SLC17A5: variants seen among roughly 807,000 people sequenced by gnomAD.
SLC17A5 encodes the protein solute carrier family 17 member 5, also known as sialin.
Under a neutral mutation model 59.4 loss-of-function variants are expected in SLC17A5, and 47 were observed. The ratio of observed to expected loss-of-function variants is 0.79; its 90% CI spans 0.63 to 1.01. The LOEUF is 1.01. Among genes scored for constraint, SLC17A5 ranks in the 50% least tolerant of loss-of-function variants. The pLI is 0.00. For synonymous variants in SLC17A5, 202 were observed against 210.7 expected (o/e 0.96, Z 0.36); for missense variants, 522 against 595.5 (o/e 0.88, Z 1.28).
chr6:73,596,722 G>C (rs1409544193), intron 10 of SLC17A5, among the ~76,000 whole-genome samples: 1 of 152,136 alleles, frequency 6.6e-6, no homozygotes, highest in Non-Finnish European at 1.5e-5. Context: ...CGGGCGTGGT[G>C]GCTGGTGCCT....
intron 8 of SLC17A5, among the ~76,000 whole-genome samples, chr6:73,613,557 T>G (rs1767725068): frequency 6.6e-6 from 1 of 152,070 alleles, no homozygotes; most frequent in African/African-American, 2.4e-5. Context: ...GTAGACAGGG[T>G]TTCACCATGT....
intron 9 of SLC17A5, among the ~76,000 whole-genome samples, chr6:73,602,769 C>T (rs1391258072): frequency 3.1e-5 from 4 of 128,430 alleles, no homozygotes; most frequent in Non-Finnish European, 4.9e-5. Context: ...AGCGAGACTC[C>T]GTCTCAAAAA....
chr6:73,648,000 T>A, intron 1 of SLC17A5, among the ~76,000 whole-genome samples: 1 of 151,100 alleles, frequency 6.6e-6, no homozygotes, highest in Non-Finnish European at 1.5e-5. Context: ...ACCTGGGAGG[T>A]GGAGGTTGCA....
chr6:73,622,499 A>G (rs1808000), intron 6 of SLC17A5, among the ~76,000 whole-genome samples: 24,601 of 152,072 alleles, frequency 0.16, 3,047 homozygotes, highest in African/African-American at 0.34. Flanking sequence ...ACGGGGTTTC[A>G]CCATGTTGGT....
intron 6 of SLC17A5, among the ~76,000 whole-genome samples, chr6:73,623,312 T>C (rs1349138329): frequency 6.6e-6 from 1 of 151,606 alleles, no homozygotes; most frequent in African/African-American, 2.4e-5. Flanking sequence ...GTGTTGGGAT[T>C]ACAGGCGTGA....
rs779977731 is a variant in SLC17A5 at position 73,600,357 on chromosome 6, G to A, written c.1344C>T (p.Thr448=). The change falls in exon 10 of 11, where the codon ACC becomes ACT. Residue 448 remains threonine, a synonymous_variant. Coordinates refer to ENST00000355773, the MANE Select transcript of SLC17A5 (RefSeq NM_012434.5). ...AAGTAAATTATCTACTTACATCAGG[G>A]GTCAGACTTTTAGCAATGACGGGCC... The part of the protein sequence containing the change: ...MVGPVIAKSL[T]PDNTVGEWQT... The A allele has an allele frequency of 6.2e-7, 1 of 1,612,338 alleles. No homozygotes were observed. The highest frequency in any genetic ancestry group is 1.1e-5 in the South Asian group (1 of 91,038).
At chr6:73,641,585 T>G (rs1257922348) in intron 3 of SLC17A5, 106 bp downstream of exon 3, 1 of 820,858 alleles carries the variant, frequency 1.2e-6, no homozygotes, top group African/African-American at 1.7e-5. Context: ...CCTGTTATCA[T>G]CCAACGTTAT....
intron 6 of SLC17A5, among the ~76,000 whole-genome samples, chr6:73,625,880 T>C (rs1260001969): frequency 1.1e-4 from 16 of 152,202 alleles, no homozygotes; most frequent in Non-Finnish European, 1.9e-4. Context: ...GTGATTTCAA[T>C]GTGCAGCAAG....
rs1407145576 is a variant in SLC17A5 at position 73,594,851 on chromosome 6, T to TA, written c.*225dup. The TA allele has an allele frequency of 1.8e-6, 1 of 543,328 alleles. No individual in the cohort carries two copies. Among genetic ancestry groups the TA allele is most frequent in the African/African-American group, 1.9e-5 (1 of 52,626 alleles). The allele number at this position is 543,328 out of a possible 1,614,324, so 33.7% of individuals were successfully genotyped here. ...TCATGTTGCCCGACTAGCAGGCAGGTATGTGAACCTAAAGTAGAAGTCCTA... is the reference window on the plus strand; with the variant it reads ...TCATGTTGCCCGACTAGCAGGCAGGTAATGTGAACCTAAAGTAGAAGTCCTA... On this transcript the variant is annotated 3_prime_UTR_variant, in exon 11 of 11. Transcript: ENST00000355773.
chr6:73,638,350 T>G, intron 4 of SLC17A5, 62 bp downstream of exon 4: 1 of 1,260,614 alleles, frequency 7.9e-7, no homozygotes. Flanking sequence ...TGCAGGCCCT[T>G]TTTCCCAAAG....
chr6:73,613,587 C>T (rs1767726538), intron 8 of SLC17A5, among the ~76,000 whole-genome samples: 2 of 152,170 alleles, frequency 1.3e-5, no homozygotes. Flanking sequence ...TGGTCTTGAA[C>T]TCCTGACCTT....
At chr6:73,627,320 G>C (rs664920) in intron 6 of SLC17A5, among the ~76,000 whole-genome samples, 24,823 of 151,748 alleles carry the variant, frequency 0.16, 3,128 homozygotes, top group African/African-American at 0.35. Context: ...CGTGATCTGC[G>C]TGCCTCAGCC....
chr6:73,623,393 T>C (rs1045710749), intron 6 of SLC17A5, among the ~76,000 whole-genome samples: 8 of 151,972 alleles, frequency 5.3e-5, no homozygotes, highest in Non-Finnish European at 1.0e-4. Context: ...TGGAGTGCAG[T>C]GGTGCAATCT....
At chr6:73,599,822 C>T (rs1045600291) in intron 10 of SLC17A5, among the ~76,000 whole-genome samples, 7 of 149,178 alleles carry the variant, frequency 4.7e-5, no homozygotes, top group Admixed American at 2.7e-4. Context: ...TTTTTTGAGA[C>T]GGAGTCTTGC....
chr6:73,607,775 ATT>A (rs10716332), intron 9 of SLC17A5, among the ~76,000 whole-genome samples: 105 of 130,390 alleles, frequency 8.1e-4, no homozygotes, highest in African/African-American at 6.7e-4. Flanking sequence ...GTTCCTTATA[ATT>A]TTTTTTTTTT....
Position 73,594,980 on chromosome 6 carries a change from A to G in SLC17A5, c.*97T>C. The stretch of plus-strand genomic sequence containing the variant: ...AAAAATCTAATACAAGTACAATTAA[A>G]AAAAGACATAGAATGCTTACACAAT... On this transcript the variant is annotated 3_prime_UTR_variant, in exon 11 of 11. Coordinates refer to ENST00000355773, the MANE Select transcript of SLC17A5 (RefSeq NM_012434.5). 7.5e-7 allele frequency: 1 copy of G among 1,341,562 alleles called. No homozygotes were observed. The highest frequency in any genetic ancestry group is 1.1e-6 in the Non-Finnish European group (1 of 939,778). 83.1% of individuals were successfully genotyped at this position (1,341,562 alleles called of 1,614,324 possible).
At chr6:73,609,958 T>C (rs1398395173) in intron 9 of SLC17A5, among the ~76,000 whole-genome samples, 1 of 152,138 alleles carries the variant, frequency 6.6e-6, no homozygotes, top group Non-Finnish European at 1.5e-5. Flanking sequence ...GTGGTGCTAG[T>C]TATGAAACAA....
intron 1 of SLC17A5, among the ~76,000 whole-genome samples, chr6:73,648,065 G>A (rs370646428): frequency 6.9e-4 from 104 of 151,334 alleles, no homozygotes; most frequent in African/African-American, 2.3e-3. Flanking sequence ...GCGAGACTTC[G>A]TCTCAAAAAA....
chr6:73,600,763 A>C (rs1767024154), intron 9 of SLC17A5, among the ~76,000 whole-genome samples: 1 of 152,040 alleles, frequency 6.6e-6, no homozygotes, highest in Admixed American at 6.6e-5. Context: ...GGCCTCCCAA[A>C]GTGCTGGGAT....
Sources: gnomAD v4.1 joint callset for allele counts (sites outside exome capture counted in the v4.1 genomes callset) on GRCh38, gnomAD v4.1.1 for gene constraint, MANE v1.5 for transcripts, NCBI Gene and HGNC (gene_info 2026-07-23, HGNC 2026-07-21) for gene names.